ROBO2: variants seen among roughly 807,000 people sequenced by gnomAD.
The protein encoded by ROBO2 is roundabout guidance receptor 2, also known as roundabout homolog 2.
In ROBO2, 53 loss-of-function variants were observed where a neutral mutation model predicts 160.8. The observed-to-expected ratio is 0.33, with a 90% CI of 0.26 to 0.41. The LOEUF (loss-of-function observed/expected upper bound fraction) is 0.41. Ranked by LOEUF, ROBO2 falls within the 10% of genes least tolerant of loss-of-function variation. The probability of loss-of-function intolerance (pLI) is 1.00; values close to 1 mark genes in which losing one functional copy is unlikely to be tolerated. For missense variants in ROBO2, 1,577 were observed against 1,722.4 expected, an observed-to-expected ratio of 0.92 and a Z score of 1.49; for synonymous variants, 664 against 611.7, an observed-to-expected ratio of 1.09 and a Z score of -1.26.
chr3:76,628,360 G>T (rs1484950373), intron 2 of ROBO2, among the ~76,000 whole-genome samples: 1 of 151,120 alleles, frequency 6.6e-6, no homozygotes, highest in Non-Finnish European at 1.5e-5. Flanking sequence ...AAACTCCTAG[G>T]CTCAAGTGAC....
intron 2 of ROBO2, among the ~76,000 whole-genome samples, chr3:76,894,625 A>G (rs80006435): frequency 0.016 from 2,439 of 152,270 alleles, 26 homozygotes; most frequent in African/African-American, 0.027. Context: ...GTGCTGAAGC[A>G]GTCAGTAAGT....
intron 13 of ROBO2, among the ~76,000 whole-genome samples, chr3:77,573,496 A>G (rs1042506263): frequency 6.6e-6 from 1 of 152,066 alleles, no homozygotes; most frequent in Non-Finnish European, 1.5e-5. Context: ...GAAGATATCA[A>G]AAAGTTGTCA....
intron 2 of ROBO2, among the ~76,000 whole-genome samples, chr3:75,952,445 C>A (rs1328208328): frequency 6.6e-6 from 1 of 151,808 alleles, no homozygotes; most frequent in Non-Finnish European, 1.5e-5. Flanking sequence ...GTGTTTTTTC[C>A]ACTGCATGAA....
At chr3:76,676,226 G>A (rs1259738902) in intron 2 of ROBO2, among the ~76,000 whole-genome samples, 1 of 152,108 alleles carries the variant, frequency 6.6e-6, no homozygotes, top group Non-Finnish European at 1.5e-5. Context: ...AGATTATGGA[G>A]GCGATTTCCC....
At chr3:76,384,876 T>A (rs1046458635) in intron 2 of ROBO2, among the ~76,000 whole-genome samples, 15 of 152,128 alleles carry the variant, frequency 9.9e-5, no homozygotes, top group African/African-American at 3.6e-4. Flanking sequence ...CAAAATGAGA[T>A]TTGGGTGGGG....
intron 2 of ROBO2, among the ~76,000 whole-genome samples, chr3:76,263,381 C>T (rs879393077): frequency 5.9e-5 from 9 of 152,100 alleles, no homozygotes; most frequent in Non-Finnish European, 1.3e-4. Context: ...CATGCACTAC[C>T]ATACCTAGCT....
intron 2 of ROBO2, among the ~76,000 whole-genome samples, chr3:77,268,652 CT>C (rs746386816): frequency 3.7e-4 from 56 of 152,288 alleles, no homozygotes; most frequent in Middle Eastern, 3.4e-3. Context: ...AGTCAGTTGC[CT>C]TATGCTTATT....
chr3:77,113,691 C>G (rs78134917), intron 2 of ROBO2, among the ~76,000 whole-genome samples: 2,822 of 152,258 alleles, frequency 0.019, 68 homozygotes, highest in African/African-American at 0.063. Flanking sequence ...GCATGGTTGT[C>G]TTCTGGGAAA....
chr3:77,279,364 A>G (rs116267547), intron 2 of ROBO2, among the ~76,000 whole-genome samples: 1,551 of 152,256 alleles, frequency 0.01, 23 homozygotes, highest in African/African-American at 0.036. Flanking sequence ...CAAATGACTC[A>G]CAATGAAGTC....
chr3:76,438,969 A>G (rs2076804082), intron 2 of ROBO2, among the ~76,000 whole-genome samples: 1 of 151,996 alleles, frequency 6.6e-6, no homozygotes, highest in Non-Finnish European at 1.5e-5. Flanking sequence ...GAACAACAGG[A>G]TTTGGGTTTT....
chr3:77,625,776 A>G (rs796412762), intron 23 of ROBO2, among the ~76,000 whole-genome samples: 23 of 150,694 alleles, frequency 1.5e-4, no homozygotes, highest in African/African-American at 5.2e-4. Flanking sequence ...AAAACAAGAA[A>G]CTAACTAACA....
intron 2 of ROBO2, among the ~76,000 whole-genome samples, chr3:77,145,895 C>A (rs555594609): frequency 6.6e-6 from 1 of 152,250 alleles, no homozygotes; most frequent in East Asian, 1.9e-4. Context: ...TGGCTGTGGT[C>A]TGAGACGCCT....
At chr3:77,527,273 T>C in intron 6 of ROBO2, 130 bp from the exon 7 acceptor site, 1 of 502,664 alleles carries the variant, frequency 2.0e-6, no homozygotes, top group South Asian at 2.1e-5. Context: ...CATACTTGAA[T>C]TGTGAGACTA....
chr3:76,545,131 T>A (rs972243000), intron 2 of ROBO2, among the ~76,000 whole-genome samples: 1 of 151,942 alleles, frequency 6.6e-6, no homozygotes, highest in African/African-American at 2.4e-5. Flanking sequence ...AGTATTGCCA[T>A]CAAAGGAGTA....
intron 2 of ROBO2, among the ~76,000 whole-genome samples, chr3:76,062,537 C>G (rs984725262): frequency 6.6e-6 from 1 of 152,124 alleles, no homozygotes; most frequent in Non-Finnish European, 1.5e-5. Context: ...AGTCAATACT[C>G]AATCTTACCT....
At chr3:76,418,250 GGA>G (rs1007970345) in intron 2 of ROBO2, among the ~76,000 whole-genome samples, 1 of 149,416 alleles carries the variant, frequency 6.7e-6, no homozygotes, top group Non-Finnish European at 1.5e-5. Flanking sequence ...AGAGAGAGAG[GGA>G]GAGAGAGAGA....
At chr3:76,268,509 CTTG>C (rs890470039) in intron 2 of ROBO2, among the ~76,000 whole-genome samples, 8 of 152,064 alleles carry the variant, frequency 5.3e-5, no homozygotes, top group Non-Finnish European at 1.0e-4. Context: ...TGGCCACCCT[CTTG>C]TTGTGTCCTC....
At chr3:76,388,394 C>G (rs1236234184) in intron 2 of ROBO2, among the ~76,000 whole-genome samples, 1 of 151,952 alleles carries the variant, frequency 6.6e-6, no homozygotes, top group Non-Finnish European at 1.5e-5. Context: ...GCCTCAGCCT[C>G]CCGAGTAGCT....
At position 76,102,056 on chromosome 3, in the gene ROBO2, C is replaced by G. The variant is rs554345032; in HGVS notation, c.109+164454C>G. Among the ~76,000 whole-genome samples the G allele has an allele frequency of 1.7e-3, 257 of 151,370 alleles. 1 individual carries two copies. The highest frequency in any genetic ancestry group is 6.2e-3 in the African/African-American group (253 of 41,072). On this transcript the variant is annotated intron_variant, in intron 2 of 26. Coordinates refer to the ROBO2 transcript ENST00000487694. ...TCCCCTTCCTGTGTCCATGTGTTCCCATTGTACCCCGGGGTGTGATGTTCC... is the reference window on the plus strand; with the variant it reads ...TCCCCTTCCTGTGTCCATGTGTTCCGATTGTACCCCGGGGTGTGATGTTCC...
Sources: allele counts gnomAD v4.1 joint callset (sites outside exome capture counted in the v4.1 genomes callset), GRCh38; gene constraint gnomAD v4.1.1; transcripts MANE v1.5; gene names NCBI Gene and HGNC (gene_info 2026-07-23, HGNC 2026-07-21).